The following ARAP2 variants were observed in gnomAD, a reference collection of about 807,000 sequenced individuals.
ARAP2 encodes arf-GAP with Rho-GAP domain, ANK repeat and PH domain-containing protein 2.
A neutral mutation model predicts 194.5 loss-of-function variants in ARAP2; 148 were observed. The ratio of observed to expected loss-of-function variants is 0.76; its 90% confidence interval spans 0.67 to 0.87. ARAP2 has a LOEUF of 0.87. Ranked by LOEUF, ARAP2 falls within the 40% of genes least tolerant of loss-of-function variation. The pLI is 0.00. For missense variants in ARAP2, 2,128 were observed against 1,989.7 expected (o/e 1.07, Z -1.32); for synonymous variants, 695 against 683.5 (o/e 1.02, Z -0.26).
chr4:36,148,538 C>T lies in ARAP2; in HGVS notation c.2898-31G>A, dbSNP rs374568039. 104 of 1,500,472 alleles carry T rather than the reference C, an allele frequency of 6.9e-5. 1 individual carries two copies. The Middle Eastern group carries it at 3.1e-3, about 45-fold the overall frequency. The allele number at this position is 1,500,472 out of a possible 1,614,324, so 92.9% of individuals were successfully genotyped here. Reference sequence around the variant, plus strand: ...ACATGCACAAATAAAAAGATACTACCAGTTATATTTAGCTCTTAAGAAAAT... The same window carrying T: ...ACATGCACAAATAAAAAGATACTACTAGTTATATTTAGCTCTTAAGAAAAT... On this transcript the variant is annotated intron_variant, in intron 16 of 32. Transcript: ENST00000303965.
At chr4:36,024,542 A>G (rs758825452) in intron 5 of ARAP2, among the ~76,000 whole-genome samples, 1 of 152,174 alleles carries the variant, frequency 6.6e-6, no homozygotes, top group Non-Finnish European at 1.5e-5. Flanking sequence ...GTTTTACAGT[A>G]CATTAGGTTC....
intron 7 of ARAP2, among the ~76,000 whole-genome samples, chr4:36,187,994 A>G (rs1437797595): frequency 6.6e-6 from 1 of 152,230 alleles, no homozygotes; most frequent in Non-Finnish European, 1.5e-5. Context: ...AGGAACCAAA[A>G]TATACCTTAA....
At position 36,169,747 on chromosome 4, in the gene ARAP2, T is replaced by C. The variant is rs1736178460; in HGVS notation, c.1858-2700A>G. 2.0e-5 allele frequency among the ~76,000 whole-genome samples: 3 copies of C among 152,146 alleles called. No homozygotes were observed. The South Asian group carries it at 6.2e-4, about 32-fold the overall frequency. Reference sequence around the variant, plus strand: ...CGGGGTTTCACCATGTTGGCCAAGATGGTCTCCATTTCCTGACCTCGTGAT... The same window carrying C: ...CGGGGTTTCACCATGTTGGCCAAGACGGTCTCCATTTCCTGACCTCGTGAT... On this transcript the variant is annotated intron_variant, in intron 9 of 32. Transcript: ENST00000303965.
intron 26 of ARAP2, among the ~76,000 whole-genome samples, chr4:36,108,137 A>G (rs977262626): frequency 3.3e-5 from 5 of 151,682 alleles, no homozygotes; most frequent in Non-Finnish European, 7.4e-5. Context: ...AGCTCAGGCT[A>G]CCCTCCCACC....
At chr4:36,029,834 C>T (rs1718616174) in intron 5 of ARAP2, among the ~76,000 whole-genome samples, 1 of 152,000 alleles carries the variant, frequency 6.6e-6, no homozygotes, top group Non-Finnish European at 1.5e-5. Flanking sequence ...TAGCAGTTTA[C>T]AATCTACTCA....
intron 5 of ARAP2, among the ~76,000 whole-genome samples, chr4:36,211,810 A>C (rs969202315): frequency 2.6e-5 from 4 of 152,124 alleles, no homozygotes; most frequent in Non-Finnish European, 4.4e-5. Flanking sequence ...GTACCCCAGA[A>C]ATATATACAT....
At chr4:36,124,541 C>T (rs1453795005) in intron 22 of ARAP2, among the ~76,000 whole-genome samples, 2 of 151,814 alleles carry the variant, frequency 1.3e-5, no homozygotes, top group African/African-American at 4.8e-5. Flanking sequence ...AAAGAAATGT[C>T]CACCATGAGA....
intron 2 of ARAP2, among the ~76,000 whole-genome samples, chr4:36,217,659 T>G (rs976375643): frequency 6.6e-6 from 1 of 151,838 alleles, no homozygotes; most frequent in African/African-American, 2.4e-5. Context: ...ATTAAAATGG[T>G]GCCAAATAGT....
intron 15 of ARAP2, 73 bp downstream of exon 15, chr4:36,158,657 A>G (rs1159635722): frequency 7.5e-7 from 1 of 1,332,180 alleles, no homozygotes; most frequent in Admixed American, 2.6e-5. Context: ...AAAAATCAAA[A>G]TCTAAACCTA....
In ARAP2 at chr4:36,159,356, T is replaced by C. The variant is rs746033332; in HGVS notation, c.2592A>G (p.Glu864=). 1.9e-6 allele frequency: 3 copies of C among 1,606,930 alleles called. No individual in the cohort carries two copies. The highest frequency in any genetic ancestry group is 2.6e-6 in the Non-Finnish European group (3 of 1,175,764). Reference sequence around the variant, plus strand: ...CTGAGAATTTGTTATGGTAGAGAAATTCCATTTGCAGACTTTGCCCAGCTT... The same window carrying C: ...CTGAGAATTTGTTATGGTAGAGAAACTCCATTTGCAGACTTTGCCCAGCTT... ...AKKAGQSLQM[E]FLYHNKFSDF... Residue 864 remains glutamate (E), a synonymous_variant, in exon 14 of 33, where the codon GAA becomes GAG. Transcript: ENST00000303965.
At chr4:36,194,472 ATAT>A (rs1742648480) in intron 6 of ARAP2, among the ~76,000 whole-genome samples, 1 of 152,198 alleles carries the variant, frequency 6.6e-6, no homozygotes, top group African/African-American at 2.4e-5. Context: ...AATTTAAAAA[ATAT>A]TATTTCTAAA....
intron 29 of ARAP2, among the ~76,000 whole-genome samples, chr4:36,082,930 G>A (rs1729914970): frequency 2.0e-5 from 3 of 152,058 alleles, no homozygotes; most frequent in Non-Finnish European, 4.4e-5. Flanking sequence ...TAGTAAAAAG[G>A]GAAAATTACA....
intron 11 of ARAP2, among the ~76,000 whole-genome samples, chr4:36,162,177 C>T (rs1205833399): frequency 6.6e-6 from 1 of 151,268 alleles, no homozygotes; most frequent in Non-Finnish European, 1.5e-5. Context: ...TGCATATGTA[C>T]AGACACATGT....
At chr4:36,189,973 A>G (rs1026198626) in intron 7 of ARAP2, among the ~76,000 whole-genome samples, 1 of 152,172 alleles carries the variant, frequency 6.6e-6, no homozygotes, top group Non-Finnish European at 1.5e-5. Flanking sequence ...GCACCCACAT[A>G]GCTTGCATTC....
intron 5 of ARAP2, among the ~76,000 whole-genome samples, chr4:36,030,071 T>C (rs1718653454): frequency 6.6e-6 from 1 of 152,106 alleles, no homozygotes; most frequent in Non-Finnish European, 1.5e-5. Flanking sequence ...TGGATGATAT[T>C]CAACCTTTTG....
intron 10 of ARAP2, among the ~76,000 whole-genome samples, chr4:36,166,715 A>T (rs997217772): frequency 6.6e-6 from 1 of 152,028 alleles, no homozygotes; most frequent in Admixed American, 6.6e-5. Flanking sequence ...GAAATTACTC[A>T]AATTTCATGA....
intron 2 of ARAP2, among the ~76,000 whole-genome samples, chr4:36,215,861 C>A (rs201883841): frequency 7.4e-6 from 1 of 134,376 alleles, no homozygotes; most frequent in African/African-American, 2.8e-5. Context: ...AAAAAAAAAA[C>A]AAAAACAAAG....
chr4:36,010,067 C>T (rs1714172836), intron 9 of ARAP2, among the ~76,000 whole-genome samples: 1 of 151,804 alleles, frequency 6.6e-6, no homozygotes, highest in Admixed American at 6.6e-5. Context: ...GATTCAAAGG[C>T]AAACAGTAAT....
intron 27 of ARAP2, among the ~76,000 whole-genome samples, chr4:36,100,753 TCTTA>T (rs1716664480): frequency 6.6e-6 from 1 of 151,700 alleles, no homozygotes; most frequent in Admixed American, 6.6e-5. Context: ...CTTCTTTCTT[TCTTA>T]CTTTCTTTTT....
Sources: allele counts gnomAD v4.1 joint callset (sites outside exome capture counted in the v4.1 genomes callset), GRCh38; gene constraint gnomAD v4.1.1; transcripts MANE v1.5; gene names NCBI Gene and HGNC (gene_info 2026-07-23, HGNC 2026-07-21).